GABRB2: variants seen among roughly 807,000 people sequenced by gnomAD.
GABRB2 encodes the protein gamma-aminobutyric acid type A receptor subunit beta2.
Under a neutral mutation model 54.7 loss-of-function variants are expected in GABRB2, and 16 were observed. The observed-to-expected ratio is 0.29, with a 90% CI of 0.20 to 0.44. The LOEUF (loss-of-function observed/expected upper bound fraction) is 0.44. Ranked by LOEUF, GABRB2 falls within the 20% of genes least tolerant of loss-of-function variation. GABRB2 has a pLI of 1.00. For missense variants in GABRB2, 355 were observed against 644.0 expected, an observed-to-expected ratio of 0.55 and a Z score of 4.86; for synonymous variants, 244 against 233.8, an observed-to-expected ratio of 1.04 and a Z score of -0.40.
intron 5 of GABRB2, among the ~76,000 whole-genome samples, chr5:161,378,520 T>C (rs951436737): frequency 6.6e-6 from 1 of 152,140 alleles, no homozygotes; most frequent in African/African-American, 2.4e-5. Context: ...ACTTGTTTAC[T>C]GTGGTTCTAG....
intron 3 of GABRB2, among the ~76,000 whole-genome samples, chr5:161,533,981 T>C (rs149057664): frequency 6.6e-6 from 1 of 152,316 alleles, no homozygotes; most frequent in East Asian, 1.9e-4. Context: ...GGGATATAGA[T>C]AATATTTATC....
intron 9 of GABRB2, among the ~76,000 whole-genome samples, chr5:161,325,536 T>A (rs140292569): frequency 0.015 from 2,314 of 152,240 alleles, 24 homozygotes; most frequent in Middle Eastern, 0.082. Flanking sequence ...GATAGCCTGA[T>A]ACTTAGAAGA....
At chr5:161,372,617 C>A (rs970609037) in intron 5 of GABRB2, among the ~76,000 whole-genome samples, 3 of 152,064 alleles carry the variant, frequency 2.0e-5, no homozygotes, top group Non-Finnish European at 4.4e-5. Context: ...TCCCTGTCTT[C>A]CCCTATCAGT....
At chr5:161,441,618 A>C (rs898202170) in intron 4 of GABRB2, among the ~76,000 whole-genome samples, 2 of 152,208 alleles carry the variant, frequency 1.3e-5, no homozygotes, top group Non-Finnish European at 2.9e-5. Context: ...TACGCAAAGG[A>C]GGAAATTTGT....
At chr5:161,309,234 T>C (rs369092075) in intron 9 of GABRB2, among the ~76,000 whole-genome samples, 2 of 152,062 alleles carry the variant, frequency 1.3e-5, no homozygotes, top group South Asian at 2.1e-4. Context: ...GACACACATA[T>C]GGCCAATAAT....
chr5:161,326,362 T>G lies in GABRB2; in HGVS notation c.1191+6A>C. The G allele has an allele frequency of 6.2e-7, 1 of 1,611,636 alleles. No homozygotes were observed. The highest frequency in any genetic ancestry group is 8.5e-7 in the Non-Finnish European group (1 of 1,179,030). ...AAATAAATGGATTAAAAACTGGCTA[T>G]CTAACCGTATACAGAGAGAAATCGT... On this transcript the variant is annotated splice_donor_region_variant and intron_variant, in intron 9 of 9. Transcript: ENST00000393959.
intron 6 of GABRB2, 103 bp downstream of exon 6, chr5:161,336,528 TA>T: frequency 7.6e-7 from 1 of 1,315,800 alleles, no homozygotes; most frequent in Non-Finnish European, 1.0e-6. Flanking sequence ...ATTTGTCTTG[TA>T]AAGTCATGGT....
chr5:161,466,848 A>G (rs890940863), intron 3 of GABRB2, among the ~76,000 whole-genome samples: 3 of 151,982 alleles, frequency 2.0e-5, no homozygotes, highest in African/African-American at 7.2e-5. Flanking sequence ...TTCAGCATTT[A>G]TTATCTATGG....
chr5:161,452,112 A>G (rs757021004), intron 4 of GABRB2, among the ~76,000 whole-genome samples: 3 of 152,184 alleles, frequency 2.0e-5, no homozygotes, highest in Non-Finnish European at 4.4e-5. Context: ...TCACAAAAAC[A>G]TGTCATCAAT....
intron 5 of GABRB2, among the ~76,000 whole-genome samples, chr5:161,364,951 C>T (rs1379847446): frequency 2.6e-5 from 4 of 152,052 alleles, no homozygotes; most frequent in African/African-American, 4.8e-5. Flanking sequence ...AAATATTTCT[C>T]CCACCAAATC....
At chr5:161,353,905 T>A (rs1368725420) in intron 5 of GABRB2, among the ~76,000 whole-genome samples, 1 of 152,006 alleles carries the variant, frequency 6.6e-6, no homozygotes, top group East Asian at 1.9e-4. Flanking sequence ...ATAGTGCAAT[T>A]TTTTTGACTG....
At chr5:161,327,183 T>G (rs1430108180) in intron 8 of GABRB2, among the ~76,000 whole-genome samples, 1 of 152,052 alleles carries the variant, frequency 6.6e-6, no homozygotes, top group Non-Finnish European at 1.5e-5. Context: ...TCAGTAGACC[T>G]CATGTTGGTT....
intron 5 of GABRB2, among the ~76,000 whole-genome samples, chr5:161,389,002 T>C (rs191932789): frequency 3.3e-4 from 50 of 152,128 alleles, no homozygotes; most frequent in Admixed American, 1.8e-3. Context: ...TTTTCCAGAA[T>C]CACAGACTAT....
At chr5:161,387,458 T>C (rs1755680882) in intron 5 of GABRB2, among the ~76,000 whole-genome samples, 1 of 152,184 alleles carries the variant, frequency 6.6e-6, no homozygotes, top group Admixed American at 6.6e-5. Flanking sequence ...CTGAAGCTTC[T>C]TGAAGGTTTA....
At position 161,291,205 on chromosome 5, in the gene GABRB2, T is replaced by C. The variant is rs931140238; in HGVS notation, c.*2876A>G. 6.6e-6 allele frequency: 1 copy of C among 152,558 alleles called. No individual in the cohort carries two copies. Among genetic ancestry groups the C allele is most frequent in the African/African-American group, 2.4e-5 (1 of 41,442 alleles). 9.5% of individuals were successfully genotyped at this position (152,558 alleles called of 1,614,324 possible). A position where few individuals can be genotyped will look rare whatever the true frequency, so the allele number is the denominator to read the frequency against. On this transcript the variant is annotated 3_prime_UTR_variant, in exon 10 of 10. Transcript: ENST00000393959. ...GCATTTTAGAGTCAGAATTTGTCCA[T>C]GAATTTCACAAAGATGAAAAAACAC...
intron 4 of GABRB2, among the ~76,000 whole-genome samples, chr5:161,423,077 A>G (rs534317574): frequency 6.6e-6 from 1 of 152,242 alleles, no homozygotes; most frequent in East Asian, 1.9e-4. Context: ...TTCTATATTT[A>G]ACAGTTTCAA....
chr5:161,294,251 C>T lies in GABRB2; in HGVS notation c.1369G>A (p.Glu457Lys). 1 of 1,614,114 alleles carries T rather than the reference C, an allele frequency of 6.2e-7. No homozygotes were observed. Among genetic ancestry groups the T allele is most frequent in the Non-Finnish European group, 8.5e-7 (1 of 1,180,004 alleles). Residue 457 changes from glutamate (E) to lysine (K), a missense_variant, in exon 10 of 10, where the codon GAA becomes AAA. Around this residue, in one of 6 missense-constraint regions of GABRB2, gnomAD observed 201 missense variants for 228.1 expected, o/e 0.88. Transcript: ENST00000393959. ...PRHSFGRNAL[E>K]RHVAQKKSRL... is the part of the protein sequence containing the mutation. ...CTTTTCTTTTGCGCCACATGTCGTT[C>T]CAGAGCATTTCGGCCAAAACTATGC...
At chr5:161,366,903 G>T (rs552412226) in intron 5 of GABRB2, among the ~76,000 whole-genome samples, 1 of 152,048 alleles carries the variant, frequency 6.6e-6, no homozygotes, top group Non-Finnish European at 1.5e-5. Context: ...ATCCGAGATC[G>T]CACCAATGCA....
At chr5:161,340,604 TTTTG>T (rs1427542999) in intron 5 of GABRB2, among the ~76,000 whole-genome samples, 1 of 151,952 alleles carries the variant, frequency 6.6e-6, no homozygotes, top group Non-Finnish European at 1.5e-5. Flanking sequence ...TCTCTTTGTC[TTTTG>T]TTTCTCAACC....
Sources: allele counts gnomAD v4.1 joint callset (sites outside exome capture counted in the v4.1 genomes callset), GRCh38; gene constraint gnomAD v4.1.1; regional missense constraint gnomAD v4.1.1; transcripts MANE v1.5; gene names NCBI Gene and HGNC (gene_info 2026-07-23, HGNC 2026-07-21).